Variants in DCBLD2 observed in about 807,000 individuals in gnomAD.
The protein encoded by DCBLD2 is discoidin, CUB and LCCL domain-containing protein 2.
In DCBLD2, 54 loss-of-function variants were observed where a neutral mutation model predicts 86.8. The observed-to-expected ratio is 0.62, with a 90% confidence interval of 0.50 to 0.78. DCBLD2 has a LOEUF of 0.78. DCBLD2 is among the 30% of genes least tolerant of loss of function. The pLI is 0.00. For missense variants in DCBLD2, 908 were observed against 954.2 expected, an observed-to-expected ratio of 0.95 and a Z score of 0.64; for synonymous variants, 354 against 341.3, an observed-to-expected ratio of 1.04 and a Z score of -0.41.
chr3:98,858,305 C>A (rs574587070), intron 2 of DCBLD2, among the ~76,000 whole-genome samples: 1 of 152,250 alleles, frequency 6.6e-6, no homozygotes, highest in Non-Finnish European at 1.5e-5. Flanking sequence ...CTGCGCCTCT[C>A]CCTCCACACC....
At chr3:98,802,725 A>G (rs1340650189) in intron 13 of DCBLD2, among the ~76,000 whole-genome samples, 2 of 152,134 alleles carry the variant, frequency 1.3e-5, no homozygotes, top group Admixed American at 6.5e-5. Context: ...TAATTTTTGT[A>G]TAAGGTGTAA....
At chr3:98,838,153 C>G (rs867207903) in intron 3 of DCBLD2, among the ~76,000 whole-genome samples, 8 of 102,592 alleles carry the variant, frequency 7.8e-5, no homozygotes, top group African/African-American at 2.1e-4. Flanking sequence ...GCTGACCCCC[C>G]CCACCTCCCT....
chr3:98,842,625 A>G (rs1322187954), intron 3 of DCBLD2, among the ~76,000 whole-genome samples: 1 of 152,216 alleles, frequency 6.6e-6, no homozygotes, highest in Non-Finnish European at 1.5e-5. Flanking sequence ...AGTCCACAGT[A>G]GAAGCCCAGA....
intron 2 of DCBLD2, among the ~76,000 whole-genome samples, chr3:98,857,987 T>G (rs1009581197): frequency 2.0e-5 from 3 of 152,202 alleles, no homozygotes; most frequent in Non-Finnish European, 2.9e-5. Flanking sequence ...CCTCAGCCCT[T>G]GGGTGGTCAA....
intron 3 of DCBLD2, among the ~76,000 whole-genome samples, chr3:98,829,664 T>C (rs1307518032): frequency 1.3e-5 from 2 of 152,238 alleles, no homozygotes; most frequent in African/African-American, 2.4e-5. Flanking sequence ...TTATCCAGTC[T>C]ACCATTAATG....
intron 1 of DCBLD2, 92 bp from the exon 2 acceptor site, chr3:98,881,859 A>C: frequency 8.0e-7 from 1 of 1,254,528 alleles, no homozygotes; most frequent in Non-Finnish European, 1.1e-6. Flanking sequence ...AATATGCACG[A>C]CATCAAATAT....
At position 98,888,895 on chromosome 3, in the gene DCBLD2, C is replaced by A. The variant is rs549837003; in HGVS notation, c.206-7128G>T. ...TTTTTGCCATTATTGGAAACTACTCCCAACTCTGAAATCTTAAAAACTTTA... is the reference window on the plus strand; with the variant it reads ...TTTTTGCCATTATTGGAAACTACTCACAACTCTGAAATCTTAAAAACTTTA... On this transcript the variant is annotated intron_variant, in intron 1 of 15. Transcript: ENST00000326840. 5.3e-5 allele frequency among the ~76,000 whole-genome samples: 8 copies of A among 152,098 alleles called. No homozygotes were observed. The South Asian group carries it at 1.2e-3, about 24-fold the overall frequency.
At chr3:98,859,624 T>A (rs1380538276) in intron 2 of DCBLD2, among the ~76,000 whole-genome samples, 2 of 151,996 alleles carry the variant, frequency 1.3e-5, no homozygotes, top group Non-Finnish European at 2.9e-5. Flanking sequence ...GGGTCTGGAG[T>A]GGACCTCCAG....
intron 2 of DCBLD2, among the ~76,000 whole-genome samples, chr3:98,862,972 C>A (rs1404988479): frequency 6.6e-6 from 1 of 152,126 alleles, no homozygotes; most frequent in African/African-American, 2.4e-5. Context: ...TTAGAAAACC[C>A]CATCATCTAC....
At chr3:98,849,669 A>G in intron 2 of DCBLD2, 71 bp from the exon 3 acceptor site, 1 of 1,510,122 alleles carries the variant, frequency 6.6e-7, no homozygotes, top group South Asian at 1.2e-5. Flanking sequence ...AATGTAGATA[A>G]CAGAAGCAGA....
chr3:98,817,114 G>A (rs1382265998), intron 9 of DCBLD2, among the ~76,000 whole-genome samples: 2 of 152,116 alleles, frequency 1.3e-5, no homozygotes, highest in Non-Finnish European at 2.9e-5. Context: ...TTAGGCACAA[G>A]GACTTCTCCA....
At chr3:98,812,629 A>G in intron 9 of DCBLD2, 147 bp from the exon 10 acceptor site, 1 of 626,540 alleles carries the variant, frequency 1.6e-6, no homozygotes, top group Non-Finnish European at 2.5e-6. Context: ...TAAGAAAATA[A>G]TCATAATTTG....
intron 2 of DCBLD2, among the ~76,000 whole-genome samples, chr3:98,863,856 TG>T (rs1349148985): frequency 6.6e-6 from 1 of 151,994 alleles, no homozygotes; most frequent in African/African-American, 2.4e-5. Flanking sequence ...AATTGACAAA[TG>T]GGATCTAATT....
intron 1 of DCBLD2, among the ~76,000 whole-genome samples, chr3:98,890,765 T>C (rs987495938): frequency 6.6e-6 from 1 of 152,088 alleles, no homozygotes; most frequent in Non-Finnish European, 1.5e-5. Context: ...CTTAACTGTA[T>C]GTAACCTTGT....
intron 3 of DCBLD2, among the ~76,000 whole-genome samples, chr3:98,831,240 C>T (rs944417315): frequency 6.7e-6 from 1 of 148,356 alleles, no homozygotes; most frequent in Non-Finnish European, 1.5e-5. Flanking sequence ...TTAGTAGAGA[C>T]GAGGTTTCAT....
chr3:98,819,970 C>G (rs1430856814), intron 7 of DCBLD2, among the ~76,000 whole-genome samples: 1 of 152,204 alleles, frequency 6.6e-6, no homozygotes, highest in Non-Finnish European at 1.5e-5. Flanking sequence ...AGAAGGCACT[C>G]AGTAAGTATT....
intron 2 of DCBLD2, among the ~76,000 whole-genome samples, chr3:98,867,853 A>C (rs1425435550): frequency 6.6e-6 from 1 of 150,720 alleles, no homozygotes; most frequent in Non-Finnish European, 1.5e-5. Context: ...CCCAGGCTGG[A>C]GTGCAGTGGC....
intron 2 of DCBLD2, among the ~76,000 whole-genome samples, chr3:98,856,429 T>C (rs1367379516): frequency 1.3e-5 from 2 of 152,052 alleles, no homozygotes; most frequent in African/African-American, 4.8e-5. Context: ...GCTACAAAGC[T>C]TATAAACCAC....
intron 1 of DCBLD2, among the ~76,000 whole-genome samples, chr3:98,894,952 G>C (rs1406932614): frequency 6.6e-6 from 1 of 152,058 alleles, no homozygotes; most frequent in Non-Finnish European, 1.5e-5. Flanking sequence ...TGTGGGGACT[G>C]TTCGAGAACT....
Sources: allele counts gnomAD v4.1 joint callset (sites outside exome capture counted in the v4.1 genomes callset), GRCh38; gene constraint gnomAD v4.1.1; transcripts MANE v1.5; gene names NCBI Gene and HGNC (gene_info 2026-07-23, HGNC 2026-07-21).